Variants in ENPP3 observed in about 807,000 individuals in gnomAD.
ENPP3 encodes ectonucleotide pyrophosphatase/phosphodiesterase family member 3.
ENPP3 carries 104 observed loss-of-function variants against 117.8 expected under a neutral mutation model. That is an observed-to-expected ratio of 0.88 (90% CI 0.75 to 1.04). The LOEUF (loss-of-function observed/expected upper bound fraction) is 1.04, where lower values mean the gene tolerates loss of function less well. ENPP3 is among the 50% of genes least tolerant of loss of function. The pLI is 0.00. For synonymous variants in ENPP3, 380 were observed against 349.9 expected, an observed-to-expected ratio of 1.09 and a Z score of -0.96; for missense variants, 1,026 against 1,051.9, an observed-to-expected ratio of 0.98 and a Z score of 0.34.
chr6:131,740,332 C>T lies in ENPP3; in HGVS notation c.2409C>T (p.Val803=). The change falls in exon 24 of 25, where the codon GTC becomes GTT. Residue 803 remains valine (V), a synonymous_variant. Coordinates refer to ENST00000357639, the MANE Select transcript of ENPP3 (RefSeq NM_005021.5). ...AAAACTGCCCTGGGTGGCTGGATGT[C>T]CTACCCTTTATCATCCCTCACCGAC... ...TPENCPGWLD[V]LPFIIPHRPT... 1 of 1,612,532 alleles carries T rather than the reference C, an allele frequency of 6.2e-7. No individual in the cohort carries two copies. The highest frequency in any genetic ancestry group is 2.2e-5 in the East Asian group (1 of 44,782).
chr6:131,693,439 T>C, intron 14 of ENPP3, 58 bp from the exon 15 acceptor site: 3 of 1,498,454 alleles, frequency 2.0e-6, no homozygotes, highest in Non-Finnish European at 2.7e-6. Flanking sequence ...GAAGATGAAC[T>C]TTTAAAATTA....
At chr6:131,683,621 A>G (rs1226463681) in intron 12 of ENPP3, among the ~76,000 whole-genome samples, 1 of 151,988 alleles carries the variant, frequency 6.6e-6, no homozygotes, top group Non-Finnish European at 1.5e-5. Context: ...ACATTTCTCT[A>G]CTTGAGGTTA....
At chr6:131,706,517 C>T (rs1477586695) in intron 15 of ENPP3, among the ~76,000 whole-genome samples, 1 of 150,464 alleles carries the variant, frequency 6.6e-6, no homozygotes, top group Non-Finnish European at 1.5e-5. Context: ...ATCACTTGAC[C>T]GCACATTTCT....
At position 131,697,847 on chromosome 6, in the gene ENPP3, G is replaced by T. The variant is rs555645575; in HGVS notation, c.1412+4223G>T. Among the ~76,000 whole-genome samples the T allele has an allele frequency of 2.0e-5, 3 of 152,192 alleles. No individual in the cohort carries two copies. The South Asian group carries it at 6.2e-4, about 32-fold the overall frequency. On this transcript the variant is annotated intron_variant, in intron 15 of 24. Transcript: ENST00000357639. The stretch of plus-strand genomic sequence containing the variant: ...GTGGGTCCATGGCCCAGGGGTTGGG[G>T]ACCCCTAGTCTAGTGTGAAACAGGG...
intron 7 of ENPP3, 56 bp downstream of exon 7, chr6:131,671,383 C>A: frequency 1.9e-6 from 2 of 1,041,504 alleles, no homozygotes; most frequent in Non-Finnish European, 3.0e-6. Context: ...ACCACATAAA[C>A]AGACATGTTT....
chr6:131,738,227 G>A (rs1222844662), intron 23 of ENPP3, 64 bp downstream of exon 23: 40 of 1,287,788 alleles, frequency 3.1e-5, no homozygotes, highest in Non-Finnish European at 4.2e-5. Context: ...AATATTTTAA[G>A]TAAAGCTCAG....
chr6:131,649,237 CAG>C (rs1778212397), intron 2 of ENPP3, among the ~76,000 whole-genome samples: 1 of 152,106 alleles, frequency 6.6e-6, no homozygotes, highest in South Asian at 2.1e-4. Context: ...ACCTATTTTC[CAG>C]AGTGACTTTC....
chr6:131,745,986 C>T (rs1355853043), intron 24 of ENPP3, among the ~76,000 whole-genome samples: 7 of 151,628 alleles, frequency 4.6e-5, no homozygotes, highest in East Asian at 1.9e-4. Flanking sequence ...CTGGGTGTGG[C>T]GGCGGGTGCC....
chr6:131,654,830 G>A (rs1050489946), intron 5 of ENPP3, among the ~76,000 whole-genome samples: 1 of 152,100 alleles, frequency 6.6e-6, no homozygotes, highest in African/African-American at 2.4e-5. Flanking sequence ...GCTTTGGTTT[G>A]TAGCTCAGAT....
At position 131,720,345 on chromosome 6, in the gene ENPP3, AT is replaced by A; in HGVS notation, c.1536del (p.Phe512LeufsTer9). The A allele has an allele frequency of 6.3e-7, 1 of 1,598,142 alleles. No individual in the cohort carries two copies. The highest frequency in any genetic ancestry group is 8.5e-7 in the Non-Finnish European group (1 of 1,170,372). ...TTAAAGAGAAGACTGAAGTTGAACC[AT>A]TTGAAAATATTGAAGTCTATAACCT... ...SFKEKTEVEP[F>X]ENIEVYNLMC... On this transcript the variant is annotated frameshift_variant, in exon 17 of 25. Coordinates refer to ENST00000357639, the MANE Select transcript of ENPP3 (RefSeq NM_005021.5). LOFTEE classifies it high-confidence loss of function.
intron 11 of ENPP3, 76 bp from the exon 12 acceptor site, chr6:131,682,978 T>A (rs1779057934): frequency 5.5e-6 from 5 of 916,252 alleles, no homozygotes. Flanking sequence ...TGTGTTTAAT[T>A]TTTACTTCAT....
intron 21 of ENPP3, 150 bp downstream of exon 21, chr6:131,733,873 G>A: frequency 1.4e-6 from 1 of 725,552 alleles, no homozygotes; most frequent in Non-Finnish European, 2.2e-6. Context: ...GCTGGCCAGA[G>A]CAGCACAGCG....
At chr6:131,717,893 C>T (rs966361671) in intron 15 of ENPP3, among the ~76,000 whole-genome samples, 1 of 152,120 alleles carries the variant, frequency 6.6e-6, no homozygotes, top group African/African-American at 2.4e-5. Context: ...TGCTTAGATA[C>T]ACAAATCCTT....
chr6:131,730,542 T>C (rs1343269915), intron 20 of ENPP3, among the ~76,000 whole-genome samples: 1 of 152,228 alleles, frequency 6.6e-6, no homozygotes, highest in Non-Finnish European at 1.5e-5. Context: ...TTTTTGTGTC[T>C]CAACATGTTT....
chr6:131,650,299 A>G, intron 3 of ENPP3, 150 bp downstream of exon 3: 5 of 771,626 alleles, frequency 6.5e-6, no homozygotes, highest in Non-Finnish European at 1.1e-5. Context: ...GGCCAACTCC[A>G]GACTTGATCT....
chr6:131,733,784 A>T (rs897104671), intron 21 of ENPP3, 61 bp downstream of exon 21: 2 of 1,567,870 alleles, frequency 1.3e-6, no homozygotes, highest in African/African-American at 2.7e-5. Context: ...GGATGTGGGC[A>T]TGTGCCTTAA....
chr6:131,667,160 T>A (rs1324826766), intron 6 of ENPP3, among the ~76,000 whole-genome samples: 2 of 152,170 alleles, frequency 1.3e-5, no homozygotes, highest in Non-Finnish European at 2.9e-5. Flanking sequence ...TTTTGCTTTT[T>A]TTCTCTGTGC....
intron 17 of ENPP3, among the ~76,000 whole-genome samples, chr6:131,721,930 G>A (rs1489399059): frequency 2.0e-5 from 3 of 152,096 alleles, no homozygotes; most frequent in Admixed American, 6.6e-5. Context: ...TCAGTATGTC[G>A]CCTAAGCTGG....
intron 18 of ENPP3, among the ~76,000 whole-genome samples, 176 bp from the exon 19 acceptor site, chr6:131,723,864 C>G (rs1381347961): frequency 1.3e-5 from 2 of 149,784 alleles, no homozygotes; most frequent in Non-Finnish European, 3.0e-5. Context: ...CAATAGGGAG[C>G]AGTAGTGTCT....
Sources: gnomAD v4.1 joint callset for allele counts (sites outside exome capture counted in the v4.1 genomes callset) on GRCh38, gnomAD v4.1.1 for gene constraint, MANE v1.5 for transcripts, NCBI Gene and HGNC (gene_info 2026-07-23, HGNC 2026-07-21) for gene names.